KCND2: variants seen among roughly 807,000 people sequenced by gnomAD.
The protein encoded by KCND2 is potassium voltage-gated channel subfamily D member 2.
Under a neutral mutation model 54.4 loss-of-function variants are expected in KCND2, and 16 were observed. That is an observed-to-expected ratio of 0.29 (90% CI 0.20 to 0.45). The LOEUF is 0.45. KCND2 is among the 20% of genes least tolerant of loss of function. The pLI is 1.00. For missense variants in KCND2, 486 were observed against 824.2 expected (o/e 0.59, Z 5.02); for synonymous variants, 317 against 310.7 (o/e 1.02, Z -0.21).
At chr7:120,681,230 C>T (rs1299756968) in intron 1 of KCND2, among the ~76,000 whole-genome samples, 1 of 152,018 alleles carries the variant, frequency 6.6e-6, no homozygotes, top group Non-Finnish European at 1.5e-5. Context: ...AGGACCTCTG[C>T]TGCTACTAAA....
At chr7:120,343,302 A>G (rs552113646) in intron 1 of KCND2, among the ~76,000 whole-genome samples, 22 of 152,224 alleles carry the variant, frequency 1.4e-4, no homozygotes, top group Middle Eastern at 6.8e-3. Flanking sequence ...TTGATGCATT[A>G]CTAGATGTTA....
At chr7:120,609,948 A>G (rs561058066) in intron 1 of KCND2, among the ~76,000 whole-genome samples, 1 of 152,146 alleles carries the variant, frequency 6.6e-6, no homozygotes, top group Admixed American at 6.6e-5. Context: ...CATGCTGCTC[A>G]TGTAAGCAGA....
chr7:120,495,326 C>T (rs1016658603), intron 1 of KCND2, among the ~76,000 whole-genome samples: 5 of 147,524 alleles, frequency 3.4e-5, no homozygotes, highest in Non-Finnish European at 7.4e-5. Flanking sequence ...TATTTTAAAG[C>T]AGGATAGAAT....
intron 1 of KCND2, among the ~76,000 whole-genome samples, chr7:120,633,009 A>T (rs1258574583): frequency 6.6e-6 from 1 of 152,218 alleles, no homozygotes; most frequent in Non-Finnish European, 1.5e-5. Flanking sequence ...AATTCTCAGA[A>T]ATAATTCCAC....
intron 1 of KCND2, among the ~76,000 whole-genome samples, chr7:120,305,310 T>C (rs935131580): frequency 7.2e-5 from 11 of 152,196 alleles, no homozygotes; most frequent in Non-Finnish European, 1.6e-4. Flanking sequence ...TACTTTTTTC[T>C]TGTGGGCCTA....
intron 1 of KCND2, among the ~76,000 whole-genome samples, chr7:120,589,730 A>T (rs1792646576): frequency 6.6e-6 from 1 of 152,234 alleles, no homozygotes; most frequent in Non-Finnish European, 1.5e-5. Context: ...TCTTCTTTCT[A>T]TATGAATTCT....
intron 1 of KCND2, among the ~76,000 whole-genome samples, chr7:120,519,614 G>A (rs1251542054): frequency 1.5e-4 from 23 of 152,130 alleles, no homozygotes; most frequent in Admixed American, 1.5e-3. Flanking sequence ...AGAGAACAGT[G>A]AGATAATAAA....
rs1429839130 is a variant in KCND2, at chr7:120,640,807, A to G, written c.1116-92096A>G. ...GAAGTTTTATTCATCAGCCCACTGT[A>G]TCTGGGGGGCCTTTCTCCTGGGGTG... is the stretch of plus-strand genomic sequence containing the variant. On this transcript the variant is annotated intron_variant, in intron 1 of 5. Transcript: ENST00000331113. 3.9e-5 allele frequency among the ~76,000 whole-genome samples: 6 copies of G among 152,296 alleles called. No individual in the cohort carries two copies. In the South Asian group the frequency reaches 1.2e-3, roughly 32 times the overall value.
chr7:120,547,687 T>C (rs1346277944), intron 1 of KCND2, among the ~76,000 whole-genome samples: 1 of 152,074 alleles, frequency 6.6e-6, no homozygotes, highest in Non-Finnish European at 1.5e-5. Context: ...TCTAGGCAAC[T>C]AAGAATGATG....
chr7:120,546,551 G>C (rs1792043992), intron 1 of KCND2, among the ~76,000 whole-genome samples: 1 of 151,868 alleles, frequency 6.6e-6, no homozygotes, highest in South Asian at 2.1e-4. Context: ...AATCTTAGAT[G>C]CAACACTAGA....
chr7:120,352,379 T>C (rs1487008917), intron 1 of KCND2, among the ~76,000 whole-genome samples: 3 of 151,870 alleles, frequency 2.0e-5, no homozygotes, highest in Non-Finnish European at 4.4e-5. Flanking sequence ...TATACATACA[T>C]ATATATGAAT....
At chr7:120,603,943 T>C (rs1297362210) in intron 1 of KCND2, among the ~76,000 whole-genome samples, 2 of 152,158 alleles carry the variant, frequency 1.3e-5, no homozygotes, top group African/African-American at 4.8e-5. Context: ...GGTTTTGTCA[T>C]TAAACAGACC....
chr7:120,538,755 A>G (rs370977854), intron 1 of KCND2, among the ~76,000 whole-genome samples: 2 of 152,058 alleles, frequency 1.3e-5, no homozygotes, highest in African/African-American at 4.8e-5. Context: ...GCCAAACCCC[A>G]TGGGCAGGAG....
intron 1 of KCND2, among the ~76,000 whole-genome samples, chr7:120,483,264 A>G (rs950387565): frequency 1.3e-5 from 2 of 152,194 alleles, no homozygotes; most frequent in Admixed American, 1.3e-4. Context: ...AACAAAGGGA[A>G]TGTTGAAGAA....
intron 1 of KCND2, among the ~76,000 whole-genome samples, chr7:120,522,891 TG>T (rs1413848949): frequency 6.6e-6 from 1 of 152,196 alleles, no homozygotes; most frequent in Non-Finnish European, 1.5e-5. Context: ...AGGGATTCCT[TG>T]CATTCTGTCA....
chr7:120,701,170 G>T (rs1434073662), intron 1 of KCND2, among the ~76,000 whole-genome samples: 1 of 142,006 alleles, frequency 7.0e-6, no homozygotes, highest in African/African-American at 2.6e-5. Flanking sequence ...ATATTTCACT[G>T]GCCAGAGCTT....
rs138009640 is a variant in KCND2, at chr7:120,304,720, C to G, written c.1115+28973C>G. On this transcript the variant is annotated intron_variant, in intron 1 of 5. Transcript: ENST00000331113. ...TCTCTTTCTACATCTTTACTTCTCT[C>G]TCTATTCCTCCCTTTCTGTTCCTCC... 3.3e-4 allele frequency among the ~76,000 whole-genome samples: 51 copies of G among 152,284 alleles called. No individual in the cohort carries two copies. In the East Asian group the frequency reaches 7.3e-3, roughly 22 times the overall value.
intron 1 of KCND2, among the ~76,000 whole-genome samples, chr7:120,710,453 G>T (rs7807053): frequency 0.056 from 8,561 of 152,122 alleles, 331 homozygotes; most frequent in Non-Finnish European, 0.081. Context: ...AAATATTTTA[G>T]CCAGGAGAAG....
chr7:120,632,478 G>A (rs75816826), intron 1 of KCND2, among the ~76,000 whole-genome samples: 2 of 152,166 alleles, frequency 1.3e-5, no homozygotes, highest in African/African-American at 4.8e-5. Context: ...GGCTCTCTCT[G>A]GAGTTATTTG....
Sources: allele counts gnomAD v4.1 joint callset (sites outside exome capture counted in the v4.1 genomes callset), GRCh38; gene constraint gnomAD v4.1.1; transcripts MANE v1.5; gene names NCBI Gene and HGNC (gene_info 2026-07-23, HGNC 2026-07-21).